Variants in IFNAR2 observed in about 807,000 individuals in gnomAD.
IFNAR2 encodes interferon alpha/beta receptor 2.
Under a neutral mutation model 49.4 loss-of-function variants are expected in IFNAR2, and 30 were observed. The ratio of observed to expected loss-of-function variants is 0.61; its 90% CI spans 0.45 to 0.82. The LOEUF (loss-of-function observed/expected upper bound fraction) is 0.82. IFNAR2 is among the 40% of genes least tolerant of loss of function. The pLI, the probability that IFNAR2 is intolerant of heterozygous loss-of-function variation, is 0.00. For synonymous variants in IFNAR2, 224 were observed against 234.5 expected, an observed-to-expected ratio of 0.96 and a Z score of 0.41; for missense variants, 600 against 622.7, an observed-to-expected ratio of 0.96 and a Z score of 0.39.
intron 6 of IFNAR2, among the ~76,000 whole-genome samples, chr21:33,250,627 T>C (rs1987773463): frequency 6.6e-6 from 1 of 152,124 alleles, no homozygotes; most frequent in African/African-American, 2.4e-5. Flanking sequence ...AACCTCCGCC[T>C]CCCGGGTTCA....
At chr21:33,257,610 C>CT (rs1169880722) in intron 7 of IFNAR2, among the ~76,000 whole-genome samples, 1 of 152,010 alleles carries the variant, frequency 6.6e-6, no homozygotes, top group African/African-American at 2.4e-5. Context: ...AGAATGCTGA[C>CT]TTGTGCATTT....
chr21:33,261,085 GGA>G (rs567000134), intron 8 of IFNAR2, among the ~76,000 whole-genome samples: 143 of 127,488 alleles, frequency 1.1e-3, no homozygotes, highest in African/African-American at 4.1e-3. Context: ...CACCCAGGCT[GGA>G]GTACAGTGGC....
chr21:33,234,348 A>G (rs543040477), intron 1 of IFNAR2, among the ~76,000 whole-genome samples: 16 of 152,268 alleles, frequency 1.1e-4, no homozygotes, highest in Admixed American at 5.2e-4. Context: ...AGATGTTAAC[A>G]ATTGTTGATG....
chr21:33,235,915 A>G (rs1467996633), intron 1 of IFNAR2, among the ~76,000 whole-genome samples: 2 of 152,124 alleles, frequency 1.3e-5, no homozygotes, highest in Non-Finnish European at 2.9e-5. Context: ...GGACAGAGTG[A>G]GACTCTGTCT....
intron 1 of IFNAR2, chr21:33,236,756 C>T: frequency 3.0e-6 from 3 of 985,064 alleles, no homozygotes; most frequent in Non-Finnish European, 3.6e-6. Flanking sequence ...GCACAAAACT[C>T]ACATTGAAAG....
chr21:33,242,758 CGTGTGTGTGTGTGTGTGTGTGT>C (rs375640331), intron 2 of IFNAR2, among the ~76,000 whole-genome samples: 2,133 of 76,542 alleles, frequency 0.028, 148 homozygotes, highest in African/African-American at 0.095. Flanking sequence ...ATCTCGTGTG[CGTGTGTGTGTGTGTGTGTGTGT>C]GTGTGTGTGT....
In IFNAR2 at chr21:33,230,885, C is replaced by G. The variant is rs1032538652; in HGVS notation, c.-84+669C>G. ...AATATGGAGAGGCGATCGGCACTTG[C>G]ATTTCAACCCTGAGCAAATCAATCC... On this transcript the variant is annotated intron_variant, in intron 1 of 8. Transcript: ENST00000342136. This position sits in a 1 kb window ranked among gnomAD's most constrained non-coding sequence, Gnocchi z 5.5. Among the ~76,000 whole-genome samples, 1 of 152,220 alleles carries G rather than the reference C, an allele frequency of 6.6e-6. No individual in the cohort carries two copies. The highest frequency in any genetic ancestry group is 2.4e-5 in the African/African-American group (1 of 41,456).
chr21:33,245,980 G>A (rs2284550), intron 4 of IFNAR2, among the ~76,000 whole-genome samples: 72,544 of 151,856 alleles, frequency 0.48, 17,394 homozygotes, highest in Middle Eastern at 0.51. Flanking sequence ...GGGTCTCAGG[G>A]AAGGCATTCA....
intron 1 of IFNAR2, among the ~76,000 whole-genome samples, chr21:33,236,598 A>G (rs1013891942): frequency 1.3e-5 from 2 of 152,266 alleles, no homozygotes; most frequent in East Asian, 3.9e-4. Context: ...CTTCAGCGGA[A>G]TGTGGTCCCA....
chr21:33,243,738 C>T (rs1425283481), intron 3 of IFNAR2, 24 bp downstream of exon 3: 1 of 1,577,536 alleles, frequency 6.3e-7, no homozygotes. Flanking sequence ...TTTGGCTTCA[C>T]TAAATTTTGT....
rs138841399 is a variant in IFNAR2 at position 33,262,844 on chromosome 21, G to A, written c.892G>A (p.Ala298Thr). The A allele has an allele frequency of 1.1e-5, 18 of 1,612,552 alleles. No homozygotes were observed. In the African/African-American group the frequency reaches 2.3e-4, roughly 20 times the overall value. Residue 298 changes from alanine to threonine, a missense_variant, in exon 9 of 9, where the codon GCC becomes ACC. By Grantham distance (58) the Ala-to-Thr change is moderately conservative. Transcript: ENST00000342136. The stretch of plus-strand genomic sequence containing the variant: ...ATTTCCTAACCTGCCACCGTTGGAA[G>A]CCATGGATATGGTGGAGGTCATTTA... ...WPFPNLPPLE[A>T]MDMVEVIYIN...
At chr21:33,249,899 G>A (rs1290125854) in intron 6 of IFNAR2, among the ~76,000 whole-genome samples, 1 of 152,168 alleles carries the variant, frequency 6.6e-6, no homozygotes, top group East Asian at 1.9e-4. Flanking sequence ...GGAGTGACCA[G>A]GCAGGAGATG....
At chr21:33,259,386 A>G (rs1490202498) in intron 7 of IFNAR2, among the ~76,000 whole-genome samples, 2 of 152,106 alleles carry the variant, frequency 1.3e-5, no homozygotes, top group Non-Finnish European at 2.9e-5. Flanking sequence ...CCCAAGTGAG[A>G]TTTCTATTTT....
At chr21:33,259,088 C>A (rs1296285234) in intron 7 of IFNAR2, among the ~76,000 whole-genome samples, 3 of 151,946 alleles carry the variant, frequency 2.0e-5, no homozygotes, top group African/African-American at 7.3e-5. Context: ...TATTACCAAC[C>A]CCGTTGCTCA....
At chr21:33,242,962 T>C (rs1987093767) in intron 2 of IFNAR2, among the ~76,000 whole-genome samples, 1 of 148,384 alleles carries the variant, frequency 6.7e-6, no homozygotes, top group Non-Finnish European at 1.5e-5. Flanking sequence ...CTAATTTTTG[T>C]ATTTTTAGTA....
At position 33,244,962 on chromosome 21, in the gene IFNAR2, G is replaced by C. The variant is rs201003373; in HGVS notation, c.109G>C (p.Glu37Gln). ...CTTCTTCTCTTTAGATTACACAGAT[G>C]AATCTTGCACTTTCAAGATATCATT... ...ISYDSPDYTD[E>Q]SCTFKISLRN... Residue 37 changes from glutamate (E) to glutamine (Q), a missense_variant, in exon 4 of 9, where the codon GAA becomes CAA. Physicochemically the swap from Glu to Gln is conservative, Grantham distance 29 (BLOSUM62 2). Transcript: ENST00000342136. The C allele has an allele frequency of 6.8e-6, 11 of 1,612,444 alleles. No homozygotes were observed. The Admixed American group carries it at 1.5e-4, about 22-fold the overall frequency.
rs1032615336 is a variant in IFNAR2, at chr21:33,230,630, G to C, written c.-84+414G>C. 2.1e-6 allele frequency: 1 copy of C among 469,096 alleles called. No homozygotes were observed. The highest frequency in any genetic ancestry group is 4.4e-6 in the Non-Finnish European group (1 of 225,962). 29.1% of individuals were successfully genotyped at this position (469,096 alleles called of 1,614,324 possible). On this transcript the variant is annotated intron_variant, in intron 1 of 8. Coordinates refer to ENST00000342136, the MANE Select transcript of IFNAR2 (RefSeq NM_001289125.3). This position sits in a 1 kb window ranked among gnomAD's most constrained non-coding sequence, Gnocchi z 5.5. ...GCCTTGCAAAACCGGCTCACCAGCT[G>C]GGTGCTCAGGTTCGGGATCTCCAGC...
rs534364357 is a variant in IFNAR2 at position 33,254,628 on chromosome 21, C to T, written c.709+1798C>T. ...TCTGCGTAATAGGAACCGTGGCCTC[C>T]GCAACCCTTTGTCTTAACCCAGATG... On this transcript the variant is annotated intron_variant, in intron 7 of 8. Coordinates refer to ENST00000342136, the MANE Select transcript of IFNAR2 (RefSeq NM_001289125.3). 2.0e-4 allele frequency among the ~76,000 whole-genome samples: 30 copies of T among 152,284 alleles called. No individual in the cohort carries two copies. The South Asian group carries it at 5.4e-3, about 27-fold the overall frequency.
intron 6 of IFNAR2, chr21:33,251,728 T>G: frequency 2.0e-6 from 2 of 985,232 alleles, no homozygotes; most frequent in Non-Finnish European, 2.4e-6. Flanking sequence ...TGAAAGAGCC[T>G]TCATATCATC....
Sources: allele counts gnomAD v4.1 joint callset (sites outside exome capture counted in the v4.1 genomes callset), GRCh38; gene constraint gnomAD v4.1.1; non-coding constraint Gnocchi (gnomAD v3.1); transcripts MANE v1.5; gene names NCBI Gene and HGNC (gene_info 2026-07-23, HGNC 2026-07-21).